The following YBEY variants were observed in gnomAD, a reference collection of about 807,000 sequenced individuals.
The protein encoded by YBEY is endoribonuclease YbeY.
Under a neutral mutation model 13.5 loss-of-function variants are expected in YBEY, and 15 were observed. The observed-to-expected ratio is 1.11, with a 90% CI of 0.75 to 1.72. YBEY has a LOEUF of 1.72. YBEY is among the 40% of genes most tolerant of loss of function. The probability of loss-of-function intolerance (pLI) is 0.00; values close to 1 mark genes in which losing one functional copy is unlikely to be tolerated. For missense variants in YBEY, 244 were observed against 208.4 expected (o/e 1.17, Z -1.05); for synonymous variants, 101 against 83.1 (o/e 1.21, Z -1.17).
the YBEY span, among the ~76,000 whole-genome samples, chr21:46,310,343 G>T: frequency 6.6e-6 from 1 of 151,906 alleles, no homozygotes; most frequent in Non-Finnish European, 1.5e-5. Context: ...GCTGGGCATG[G>T]TGGTGGGCAC....
At chr21:46,298,631 G>T (rs1316500114), downstream of YBEY, among the ~76,000 whole-genome samples, 1 of 151,504 alleles carries the variant, frequency 6.6e-6, no homozygotes, top group Non-Finnish European at 1.5e-5. Flanking sequence ...GGGTTTCACT[G>T]TGTTAGCCAG....
At chr21:46,311,381 C>A in the YBEY span, 1 of 846,460 alleles carries the variant, frequency 1.2e-6, no homozygotes, top group Non-Finnish European at 1.8e-6. Context: ...AAGTGACTGT[C>A]CTGCTTCCAG....
downstream of YBEY, chr21:46,302,208 C>T: frequency 7.0e-7 from 1 of 1,428,722 alleles, no homozygotes; most frequent in Non-Finnish European, 9.2e-7. Context: ...TCCCCACCTC[C>T]ACTCCCGCCC....
the YBEY span, among the ~76,000 whole-genome samples, chr21:46,308,967 G>A: frequency 2.0e-5 from 3 of 152,176 alleles, no homozygotes; most frequent in East Asian, 3.9e-4. Flanking sequence ...ATGTGCCCCC[G>A]AACCTTGCAC....
In YBEY at chr21:46,297,631, C is replaced by T. The variant is rs1467048332; in HGVS notation, c.501C>T (p.Ser167=). The T allele has an allele frequency of 6.9e-6, 9 of 1,313,830 alleles. No homozygotes were observed. Among genetic ancestry groups the T allele is most frequent in the South Asian group, 2.2e-5 (1 of 45,978 alleles). 81.4% of individuals were successfully genotyped at this position (1,313,830 alleles called of 1,614,324 possible). The change falls in exon 5 of 5, where the codon AGC becomes AGT. Residue 167 remains serine (S), a synonymous_variant. Transcript: ENST00000397701. ...TGACCCGGGGCCTCTTCGGAGGGAG[C>T]TGAGGGCCGCGTTCCTTCTGAAAGC... The part of the protein sequence containing the change: ...QPLTRGLFGG[S]
At chr21:46,300,626 T>C, downstream of YBEY, 1 of 1,211,020 alleles carries the variant, frequency 8.3e-7, no homozygotes, top group Non-Finnish European at 1.1e-6. Context: ...GGCCCTTCGG[T>C]GTTCACACCT....
chr21:46,289,883 A>AAGGTTGTCATAGCCTTTGTGCAAGGTTGC (rs2081622674), intron 2 of YBEY, among the ~76,000 whole-genome samples: 1 of 84,614 alleles, frequency 1.2e-5, no homozygotes, highest in Non-Finnish European at 2.5e-5. Flanking sequence ...ATCCTTGCAG[A>AAGGTTGTCATAGCCTTTGTGCAAGGTTGC]AGTTTCTGTG....
At chr21:46,296,110 G>C (rs1014566788) in intron 3 of YBEY, 52 bp from the exon 4 acceptor site, 1 of 1,609,052 alleles carries the variant, frequency 6.2e-7, no homozygotes, top group African/African-American at 1.3e-5. Context: ...GCCCTGAAGG[G>C]GCAGGTTCCT....
intron 3 of YBEY, among the ~76,000 whole-genome samples, chr21:46,294,680 G>C (rs544504964): frequency 3.3e-5 from 5 of 150,760 alleles, no homozygotes; most frequent in African/African-American, 7.3e-5. Context: ...ACCCGTGCCC[G>C]GGACTCAGTG....
chr21:46,301,090 T>C, downstream of YBEY: 1 of 1,011,750 alleles, frequency 9.9e-7, no homozygotes, highest in Non-Finnish European at 1.2e-6. Context: ...TCTCCCTTTT[T>C]TTTTTTTATT....
chr21:46,290,403 A>G (rs944596531), intron 2 of YBEY, among the ~76,000 whole-genome samples: 2 of 151,684 alleles, frequency 1.3e-5, no homozygotes, highest in African/African-American at 4.8e-5. Context: ...ATGGGGTTTC[A>G]CCATGTTGGT....
intron 3 of YBEY, among the ~76,000 whole-genome samples, 192 bp from the exon 4 acceptor site, chr21:46,295,970 G>A (rs1041659657): frequency 2.6e-5 from 4 of 152,102 alleles, no homozygotes; most frequent in Admixed American, 6.5e-5. Context: ...ACTCTCAAAG[G>A]GGCTTGCTTG....
intron 4 of YBEY, among the ~76,000 whole-genome samples, chr21:46,297,185 G>C (rs980663415): frequency 2.5e-4 from 38 of 152,174 alleles, no homozygotes; most frequent in African/African-American, 8.7e-4. Context: ...TGTAATCCCA[G>C]CTACAGGGGA....
chr21:46,301,924 G>A (rs1040226903), downstream of YBEY: 1 of 1,397,196 alleles, frequency 7.2e-7, no homozygotes, highest in Non-Finnish European at 9.3e-7. Flanking sequence ...CCCTTCCATA[G>A]TCCCGCCACA....
intron 3 of YBEY, among the ~76,000 whole-genome samples, chr21:46,292,645 GATTAA>G (rs1391578317): frequency 2.2e-5 from 2 of 88,936 alleles, no homozygotes; most frequent in African/African-American, 9.3e-5. Flanking sequence ...TTAAACTCTA[GATTAA>G]ATTCCTCCCG....
intron 2 of YBEY, among the ~76,000 whole-genome samples, chr21:46,289,044 C>T (rs954816252): frequency 5.3e-5 from 8 of 152,138 alleles, no homozygotes; most frequent in African/African-American, 1.9e-4. Context: ...TTACCATTTT[C>T]TGTAATAGGA....
chr21:46,291,197 CAAAA>C (rs878872964), intron 2 of YBEY, 133 bp from the exon 3 acceptor site: 897 of 646,214 alleles, frequency 1.4e-3, no homozygotes, highest in East Asian at 3.1e-3. Context: ...AACTCCGTCT[CAAAA>C]AAAAAAAAAA....
At chr21:46,288,254 T>C (rs997672100) in intron 2 of YBEY, among the ~76,000 whole-genome samples, 41 of 152,332 alleles carry the variant, frequency 2.7e-4, no homozygotes, top group Non-Finnish European at 5.3e-4. Flanking sequence ...CTACATTCTG[T>C]AGATGACTTC....
At position 46,291,368 on chromosome 21, in the gene YBEY, T is replaced by G. The variant is rs774545489; in HGVS notation, c.245T>G (p.Phe82Cys). The change falls in exon 3 of 5, where the codon TTT becomes TGT. Residue 82 changes from phenylalanine (F) to cysteine (C), a missense_variant. Coordinates refer to ENST00000397701, the MANE Select transcript of YBEY (RefSeq NM_001314025.2). Reference sequence around the variant, plus strand: ...GCAGGTGAATTTCCCCAGCCTGATTTTCCAGATGACTACAATTTGGGAGAC... The same window carrying G: ...GCAGGTGAATTTCCCCAGCCTGATTGTCCAGATGACTACAATTTGGGAGAC... Reference protein sequence around the residue: ...LKAGEFPQPDFPDDYNLGDIF... With the variant: ...LKAGEFPQPDCPDDYNLGDIF... The G allele has an allele frequency of 4.3e-6, 7 of 1,614,064 alleles. No homozygotes were observed. The Admixed American group carries it at 1.2e-4, about 27-fold the overall frequency.
Sources: gnomAD v4.1 joint callset for allele counts (sites outside exome capture counted in the v4.1 genomes callset) on GRCh38, gnomAD v4.1.1 for gene constraint, MANE v1.5 for transcripts, NCBI Gene and HGNC (gene_info 2026-07-23, HGNC 2026-07-21) for gene names.